Variants in PCDHGB1 observed in about 807,000 individuals in gnomAD.
PCDHGB1 encodes the protein protocadherin gamma subfamily B, 1.
Under a neutral mutation model 56.6 loss-of-function variants are expected in PCDHGB1, and 34 were observed. That is an observed-to-expected ratio of 0.60 (90% CI 0.46 to 0.80). The LOEUF (loss-of-function observed/expected upper bound fraction) is 0.80. Among genes scored for constraint, PCDHGB1 ranks in the 30% least tolerant of loss-of-function variants. PCDHGB1 has a pLI of 0.00. For synonymous variants in PCDHGB1, 561 were observed against 505.9 expected (o/e 1.11, Z -1.46); for missense variants, 1,278 against 1,204.6 (o/e 1.06, Z -0.90).
At chr5:141,415,014 C>G (rs747951360) in intron 1 of PCDHGB1, 1 of 1,613,502 alleles carries the variant, frequency 6.2e-7, no homozygotes, top group African/African-American at 1.3e-5. Flanking sequence ...ACCGTCTGCT[C>G]AAGGCCAGCG....
intron 1 of PCDHGB1, chr5:141,385,134 G>T (rs774973571): frequency 6.2e-7 from 1 of 1,614,188 alleles, no homozygotes; most frequent in East Asian, 2.2e-5. Flanking sequence ...GCATGGACGG[G>T]GTGCAGGCTT....
Position 141,494,872 on chromosome 5 carries a change from G to A in PCDHGB1, c.2468+7G>A. On this transcript the variant is annotated splice_region_variant and intron_variant, in intron 2 of 3. Transcript: ENST00000523390. ...AGAGACCCGGCACCAGCGGGTAGGT[G>A]ACTGATTCTCCAGCCCACCCTCTTC... 1 of 1,614,128 alleles carries A rather than the reference G, an allele frequency of 6.2e-7. No individual in the cohort carries two copies. Among genetic ancestry groups the A allele is most frequent in the South Asian group, 1.1e-5 (1 of 91,074 alleles).
chr5:141,492,619 G>A lies in PCDHGB1; in HGVS notation c.2410-2188G>A, dbSNP rs778698501. ...GCGACTGCCGCTCTAAGTGCCGGGC[G>A]GGCAGGACTCTACGATCCTTGGGCC... On this transcript the variant is annotated intron_variant, in intron 1 of 3. Coordinates refer to ENST00000523390, the MANE Select transcript of PCDHGB1 (RefSeq NM_018922.3). 7.8e-4 allele frequency among the ~76,000 whole-genome samples: 118 copies of A among 152,234 alleles called. 1 individual carries two copies. The highest frequency in any genetic ancestry group is 3.3e-3 in the Admixed American group (51 of 15,282).
intron 1 of PCDHGB1, among the ~76,000 whole-genome samples, chr5:141,439,221 T>G (rs145700274): frequency 1.2e-3 from 182 of 151,852 alleles, no homozygotes; most frequent in African/African-American, 4.3e-3. Flanking sequence ...ATGTGAAAAT[T>G]CTTAGAAGCT....
chr5:141,376,578 AT>A (rs1281725359), intron 1 of PCDHGB1: 1 of 1,590,896 alleles, frequency 6.3e-7, no homozygotes, highest in South Asian at 1.1e-5. Flanking sequence ...AGACAGGCTC[AT>A]CAGCTAGATC....
intron 1 of PCDHGB1, chr5:141,441,925 T>C (rs926242217): frequency 2.8e-6 from 1 of 353,614 alleles, no homozygotes; most frequent in Non-Finnish European, 5.4e-6. Flanking sequence ...ACACAATGCG[T>C]GGCTGTCCTA....
At chr5:141,375,630 C>A (rs1162494057) in intron 1 of PCDHGB1, 1 of 1,614,246 alleles carries the variant, frequency 6.2e-7, no homozygotes, top group African/African-American at 1.3e-5. Flanking sequence ...ATTCTGTACG[C>A]CCTGCGCTCC....
intron 1 of PCDHGB1, chr5:141,389,471 A>G: frequency 6.2e-7 from 1 of 1,613,210 alleles, no homozygotes; most frequent in Non-Finnish European, 8.5e-7. Flanking sequence ...TCGAACTCAC[A>G]CTGCAGGCCC....
intron 1 of PCDHGB1, among the ~76,000 whole-genome samples, chr5:141,462,993 T>A (rs1350208420): frequency 1.3e-5 from 2 of 152,164 alleles, no homozygotes; most frequent in African/African-American, 4.8e-5. Flanking sequence ...TTGGGCTAAT[T>A]TAGACCTACC....
chr5:141,438,617 TATATATATATATATATATACAC>T (rs1342425883), intron 1 of PCDHGB1, among the ~76,000 whole-genome samples: 18 of 37,162 alleles, frequency 4.8e-4, no homozygotes, highest in Admixed American at 2.0e-3. Flanking sequence ...TATATATATA[TATATATATATATATATATACAC>T]ACACACACAC....
At chr5:141,429,469 T>C (rs547784462) in intron 1 of PCDHGB1, among the ~76,000 whole-genome samples, 4 of 151,932 alleles carry the variant, frequency 2.6e-5, no homozygotes, top group African/African-American at 4.8e-5. Context: ...CCCACCTCAA[T>C]CTCCAGAGTA....
intron 1 of PCDHGB1, among the ~76,000 whole-genome samples, chr5:141,380,390 G>A (rs1339602607): frequency 6.6e-6 from 1 of 152,198 alleles, no homozygotes; most frequent in African/African-American, 2.4e-5. Context: ...AGAAAAGAGA[G>A]AAGATAATCA....
At chr5:141,362,741 T>C in intron 1 of PCDHGB1, 1 of 734,108 alleles carries the variant, frequency 1.4e-6, no homozygotes, top group Non-Finnish European at 2.2e-6. Flanking sequence ...TATTTACCCA[T>C]GATTGCAAAC....
rs776975666 is a variant in PCDHGB1 at position 141,432,850 on chromosome 5, G to A, written c.2410-61957G>A. The A allele has an allele frequency of 6.2e-7, 1 of 1,614,170 alleles. No homozygotes were observed. The highest frequency in any genetic ancestry group is 1.1e-5 in the South Asian group (1 of 91,088). ...TCACTCTGTACCTGGTGGTAGCGGT[G>A]GCCGCGGTCTCCTGCGTCTTCCTGG... is the stretch of plus-strand genomic sequence containing the variant. On this transcript the variant is annotated intron_variant, in intron 1 of 3. Coordinates refer to ENST00000523390, the MANE Select transcript of PCDHGB1 (RefSeq NM_018922.3). The surrounding 1 kb of genome is among the most constrained non-coding windows in gnomAD (Gnocchi z 6.0).
In PCDHGB1 at chr5:141,476,149, A is replaced by T. The variant is rs1042362185; in HGVS notation, c.2410-18658A>T. The stretch of plus-strand genomic sequence containing the variant: ...CAGAGGCCTGGAGGAGCGGACTGGT[A>T]AGCACCGGGAGGGTAGTGGGAGTTT... On this transcript the variant is annotated intron_variant, in intron 1 of 3. Transcript: ENST00000523390. This position sits in a 1 kb window ranked among gnomAD's most constrained non-coding sequence, Gnocchi z 7.6. 4 of 1,611,688 alleles carry T rather than the reference A, an allele frequency of 2.5e-6. No individual in the cohort carries two copies. In the African/African-American group the frequency reaches 5.3e-5, roughly 22 times the overall value.
chr5:141,411,028 T>C (rs2095458130), intron 1 of PCDHGB1: 1 of 163,058 alleles, frequency 6.1e-6, no homozygotes, highest in Admixed American at 6.2e-5. Flanking sequence ...TTTTTTGTAT[T>C]TTTAGTAGAC....
At chr5:141,389,405 G>T (rs758428464) in intron 1 of PCDHGB1, 1 of 1,613,496 alleles carries the variant, frequency 6.2e-7, no homozygotes, top group South Asian at 1.1e-5. Context: ...CCATAAGCGC[G>T]GAGAGCGGGG....
intron 1 of PCDHGB1, chr5:141,410,481 G>C: frequency 6.2e-7 from 1 of 1,613,966 alleles, no homozygotes; most frequent in Non-Finnish European, 8.5e-7. Flanking sequence ...GCACATACGG[G>C]TACAAAAGAG....
chr5:141,505,711 A>C (rs372711957), intron 3 of PCDHGB1, among the ~76,000 whole-genome samples: 17 of 152,058 alleles, frequency 1.1e-4, no homozygotes, highest in Admixed American at 2.6e-4. Context: ...CAAGGAAAAG[A>C]CTCATGGAGG....
Sources: gnomAD v4.1 joint callset for allele counts (sites outside exome capture counted in the v4.1 genomes callset) on GRCh38, gnomAD v4.1.1 for gene constraint, Gnocchi (gnomAD v3.1) non-coding constraint, MANE v1.5 for transcripts, NCBI Gene and HGNC (gene_info 2026-07-23, HGNC 2026-07-21) for gene names.